ANKS1B: variants seen among roughly 807,000 people sequenced by gnomAD.
ANKS1B encodes the protein ankyrin repeat and sterile alpha motif domain-containing protein 1B.
In ANKS1B, 36 loss-of-function variants were observed where a neutral mutation model predicts 148.3. The observed-to-expected ratio is 0.24, with a 90% CI of 0.19 to 0.32. ANKS1B has a LOEUF of 0.32. Among genes scored for constraint, ANKS1B ranks in the 10% least tolerant of loss-of-function variants. ANKS1B has a pLI of 1.00. For missense variants in ANKS1B, 1,157 were observed against 1,542.6 expected, an observed-to-expected ratio of 0.75 and a Z score of 4.19; for synonymous variants, 542 against 560.8, an observed-to-expected ratio of 0.97 and a Z score of 0.47.
rs1349368882 is a variant in ANKS1B, at chr12:99,806,530, G to C, written c.543C>G (p.Ile181Met). Residue 181 changes from isoleucine to methionine, a missense_variant, in exon 4 of 27, where the codon ATC (isoleucine) becomes ATG (methionine). Ile to Met is a conservative substitution (Grantham distance 10, BLOSUM62 1). Coordinates refer to ENST00000683438, the MANE Select transcript of ANKS1B (RefSeq NM_001352186.2). The part of the protein sequence containing the change: ...YGRLRVVKMI[I>M]SAHPNLMSCN... ...AGCTCATTAAGTTAGGATGTGCACT[G>C]ATGATCATTTTTACCACTCTAAGCC... 2 of 1,613,910 alleles carry C rather than the reference G, an allele frequency of 1.2e-6. No individual in the cohort carries two copies. Among genetic ancestry groups the C allele is most frequent in the Non-Finnish European group, 1.7e-6 (2 of 1,179,868 alleles).
At chr12:98,972,071 G>A (rs2099883586) in intron 17 of ANKS1B, among the ~76,000 whole-genome samples, 2 of 152,166 alleles carry the variant, frequency 1.3e-5, no homozygotes, top group Non-Finnish European at 2.9e-5. Flanking sequence ...GGGAGGCTGA[G>A]GCAAGAGAAT....
chr12:99,945,138 G>T (rs1208294924), intron 1 of ANKS1B, among the ~76,000 whole-genome samples: 1 of 152,154 alleles, frequency 6.6e-6, no homozygotes, highest in East Asian at 1.9e-4. Flanking sequence ...GATATGAAAT[G>T]ATTTCTGTTA....
intron 8 of ANKS1B, among the ~76,000 whole-genome samples, chr12:99,716,314 AC>A (rs1312022132): frequency 6.0e-5 from 9 of 151,026 alleles, no homozygotes; most frequent in South Asian, 4.2e-4. Flanking sequence ...CTGCACCCCA[AC>A]CCCTTATTTT....
intron 15 of ANKS1B, among the ~76,000 whole-genome samples, chr12:99,121,094 CTT>C (rs1047797939): frequency 1.4e-5 from 2 of 142,754 alleles, no homozygotes; most frequent in Admixed American, 7.0e-5. Context: ...AAAATTTAGA[CTT>C]TTTTTTTTTT....
intron 1 of ANKS1B, among the ~76,000 whole-genome samples, chr12:99,853,462 A>T (rs2115573): frequency 0.11 from 17,395 of 152,126 alleles, 1,452 homozygotes; most frequent in African/African-American, 0.24. Flanking sequence ...CTCTGCTAGG[A>T]GACTAGATTC....
chr12:99,146,556 A>G (rs1056345330), intron 15 of ANKS1B, among the ~76,000 whole-genome samples: 2 of 152,122 alleles, frequency 1.3e-5, no homozygotes, highest in African/African-American at 4.8e-5. Context: ...AATATACTCT[A>G]GTCGGCTTGG....
intron 1 of ANKS1B, among the ~76,000 whole-genome samples, chr12:99,957,226 T>C (rs1269227359): frequency 6.6e-6 from 1 of 152,220 alleles, no homozygotes; most frequent in Non-Finnish European, 1.5e-5. Flanking sequence ...CCAAATCTGA[T>C]ACAAACATAT....
chr12:99,647,232 T>A (rs2098379039), intron 9 of ANKS1B, among the ~76,000 whole-genome samples: 1 of 152,192 alleles, frequency 6.6e-6, no homozygotes, highest in Non-Finnish European at 1.5e-5. Flanking sequence ...AGGTCAGGGA[T>A]ATCTTTTCAT....
chr12:99,649,496 C>A, intron 9 of ANKS1B: 2 of 921,338 alleles, frequency 2.2e-6, no homozygotes, highest in South Asian at 1.5e-5. Context: ...GTAGCAACAG[C>A]AGTAGTGATG....
chr12:99,222,705 T>C (rs910325795), intron 14 of ANKS1B, among the ~76,000 whole-genome samples: 18 of 152,230 alleles, frequency 1.2e-4, no homozygotes, highest in African/African-American at 4.3e-4. Context: ...ATCTGGAATA[T>C]GGCTCATTTT....
chr12:99,593,216 G>T (rs2153258357), intron 9 of ANKS1B, among the ~76,000 whole-genome samples: 1 of 151,986 alleles, frequency 6.6e-6, no homozygotes, highest in East Asian at 1.9e-4. Context: ...TGGCCAAGAG[G>T]AGAGGTCCAT....
rs749412834 is a variant in ANKS1B, at chr12:99,806,718, A to T, written c.373-18T>A. On this transcript the variant is annotated intron_variant, in intron 3 of 26. Transcript: ENST00000683438. ...TCATTGTTCTAAGACAAAGATTTTT[A>T]AAAAGGCACATTTTCAGAAATTCAA... 3.2e-6 allele frequency: 5 copies of T among 1,585,840 alleles called. No individual in the cohort carries two copies. Among genetic ancestry groups the T allele is most frequent in the African/African-American group, 1.4e-5 (1 of 74,050 alleles).
chr12:99,526,311 C>A (rs538110395), intron 9 of ANKS1B, among the ~76,000 whole-genome samples: 4 of 152,296 alleles, frequency 2.6e-5, no homozygotes, highest in African/African-American at 9.6e-5. Flanking sequence ...GACTTTAGAA[C>A]TTTTGCCATG....
At chr12:99,278,944 T>C (rs1200106856) in intron 12 of ANKS1B, among the ~76,000 whole-genome samples, 12 of 152,190 alleles carry the variant, frequency 7.9e-5, no homozygotes, top group Admixed American at 7.9e-4. Context: ...GCACCCAAAA[T>C]GTAGCATATG....
At chr12:99,902,583 G>A (rs1356916854) in intron 1 of ANKS1B, among the ~76,000 whole-genome samples, 2 of 152,138 alleles carry the variant, frequency 1.3e-5, no homozygotes, top group African/African-American at 4.8e-5. Flanking sequence ...GAGGATGGAT[G>A]GAAGAGGGAA....
intron 1 of ANKS1B, among the ~76,000 whole-genome samples, chr12:99,841,632 G>A (rs1231199853): frequency 6.6e-6 from 1 of 152,028 alleles, no homozygotes; most frequent in Non-Finnish European, 1.5e-5. Context: ...TGGCACTTTT[G>A]TGGAGTAAAC....
At chr12:99,974,498 G>T (rs1033298563) in intron 1 of ANKS1B, among the ~76,000 whole-genome samples, 1 of 152,030 alleles carries the variant, frequency 6.6e-6, no homozygotes, top group Non-Finnish European at 1.5e-5. Context: ...GTAGCAAAAA[G>T]AAAATACTTT....
At chr12:99,467,495 A>C (rs528317284) in intron 10 of ANKS1B, among the ~76,000 whole-genome samples, 207 of 152,324 alleles carry the variant, frequency 1.4e-3, no homozygotes, top group African/African-American at 4.8e-3. Context: ...GAGGAAGTCA[A>C]ATTGTCCCTG....
Position 99,830,424 on chromosome 12 carries a change from A to G in ANKS1B, c.135-5035T>C, listed in dbSNP as rs148609057. On this transcript the variant is annotated intron_variant, in intron 1 of 26. Transcript: ENST00000683438. The stretch of plus-strand genomic sequence containing the variant: ...ATATTTTACGGAAAACTCAACTAAA[A>G]GTTCTAAATTTGATTTAGAAGAATT... Among the ~76,000 whole-genome samples the G allele has an allele frequency of 7.8e-3, 1,185 of 152,258 alleles. 14 individuals carry two copies. The highest frequency in any genetic ancestry group is 0.027 in the African/African-American group (1,119 of 41,552).
Sources: gnomAD v4.1 joint callset for allele counts (sites outside exome capture counted in the v4.1 genomes callset) on GRCh38, gnomAD v4.1.1 for gene constraint, MANE v1.5 for transcripts, NCBI Gene and HGNC (gene_info 2026-07-23, HGNC 2026-07-21) for gene names.